Variants in LARP4B observed in about 807,000 individuals in gnomAD.
The protein encoded by LARP4B is la-related protein 4B.
Under a neutral mutation model 89.8 loss-of-function variants are expected in LARP4B, and 12 were observed. That is an observed-to-expected ratio of 0.13 (90% CI 0.09 to 0.22). The LOEUF is 0.22. Among genes scored for constraint, LARP4B ranks in the 10% least tolerant of loss-of-function variants. LARP4B has a pLI of 1.00. For missense variants in LARP4B, 757 were observed against 947.7 expected (o/e 0.80, Z 2.64); for synonymous variants, 367 against 363.3 (o/e 1.01, Z -0.12).
the LARP4B span, among the ~76,000 whole-genome samples, chr10:977,384 A>T: frequency 6.6e-6 from 1 of 151,990 alleles, no homozygotes; most frequent in Non-Finnish European, 1.5e-5. Context: ...GGCTGAAGAG[A>T]TCCTCCCAGC....
At chr10:858,287 C>A (rs967726741) in intron 5 of LARP4B, among the ~76,000 whole-genome samples, 1 of 152,066 alleles carries the variant, frequency 6.6e-6, no homozygotes, top group Non-Finnish European at 1.5e-5. Context: ...GTGCCACGAT[C>A]GTTCTATAGA....
At chr10:860,312 A>G (rs932698051) in intron 5 of LARP4B, among the ~76,000 whole-genome samples, 2 of 152,162 alleles carry the variant, frequency 1.3e-5, no homozygotes, top group Admixed American at 6.5e-5. Context: ...AGCTAAAATT[A>G]AAGACTGACC....
At chr10:893,004 G>A (rs552464381) in intron 1 of LARP4B, among the ~76,000 whole-genome samples, 28 of 149,970 alleles carry the variant, frequency 1.9e-4, no homozygotes, top group African/African-American at 6.4e-4. Flanking sequence ...TCTGCCTCCC[G>A]GGCTCAGGCA....
intron 3 of LARP4B, among the ~76,000 whole-genome samples, chr10:877,938 G>A: frequency 6.6e-6 from 1 of 152,232 alleles, no homozygotes. Context: ...TAAAGGGTCT[G>A]AGGCAAGCCA....
intron 3 of LARP4B, among the ~76,000 whole-genome samples, chr10:864,994 CAA>C (rs560026826): frequency 1.1e-3 from 172 of 152,236 alleles, no homozygotes; most frequent in African/African-American, 3.9e-3. Flanking sequence ...GTCACATAAA[CAA>C]AAGGTGTAGA....
At chr10:881,977 T>C (rs1310827667) in intron 3 of LARP4B, among the ~76,000 whole-genome samples, 1 of 152,210 alleles carries the variant, frequency 6.6e-6, no homozygotes, top group Non-Finnish European at 1.5e-5. Flanking sequence ...ACTAGCTGCT[T>C]GCCTACCAGA....
intron 11 of LARP4B, among the ~76,000 whole-genome samples, chr10:826,417 T>TCAC (rs1447460670): frequency 6.6e-6 from 1 of 152,194 alleles, no homozygotes; most frequent in East Asian, 1.9e-4. Flanking sequence ...ACAAGGTAAG[T>TCAC]ATGGCATGCA....
At chr10:833,249 T>TAAAA (rs56788542) in intron 8 of LARP4B, among the ~76,000 whole-genome samples, 1,792 of 51,934 alleles carry the variant, frequency 0.035, 116 homozygotes, top group South Asian at 0.043. Flanking sequence ...TGATGAGCTT[T>TAAAA]AAAAAAAAAA....
intron 1 of LARP4B, among the ~76,000 whole-genome samples, chr10:915,400 T>C (rs1208036299): frequency 6.6e-6 from 1 of 151,812 alleles, no homozygotes; most frequent in Non-Finnish European, 1.5e-5. Context: ...AACAAAAGAC[T>C]TTTGCTCACC....
intron 1 of LARP4B, among the ~76,000 whole-genome samples, chr10:926,827 A>T (rs997799491): frequency 6.6e-6 from 1 of 152,218 alleles, no homozygotes; most frequent in Admixed American, 6.5e-5. Context: ...ACTTGAGGTC[A>T]GAAGTTCAAG....
At chr10:950,279 A>G in the LARP4B span, among the ~76,000 whole-genome samples, 1 of 152,132 alleles carries the variant, frequency 6.6e-6, no homozygotes, top group African/African-American at 2.4e-5. Context: ...CCTTTTATAT[A>G]TTGTGATGCT....
In LARP4B at chr10:910,509, T is replaced by C. The variant is rs543086781; in HGVS notation, c.-40+20919A>G. On this transcript the variant is annotated intron_variant, in intron 1 of 17. Transcript: ENST00000316157. ...GTGTTTTGTGTGAGGTCTCCTGAAA[T>C]TGGAACTCCCATTCTTTGGCTGAAC... is the stretch of plus-strand genomic sequence containing the variant. 1.7e-4 allele frequency among the ~76,000 whole-genome samples: 26 copies of C among 152,346 alleles called. No individual in the cohort carries two copies. The South Asian group carries it at 4.3e-3, about 25-fold the overall frequency.
chr10:928,961 T>A (rs112385190), intron 1 of LARP4B, among the ~76,000 whole-genome samples: 30 of 152,348 alleles, frequency 2.0e-4, no homozygotes, highest in Middle Eastern at 3.4e-3. Context: ...AACTTGTGCT[T>A]ACTTATGGAA....
the LARP4B span, among the ~76,000 whole-genome samples, chr10:982,813 G>A: frequency 2.0e-5 from 3 of 152,218 alleles, no homozygotes; most frequent in African/African-American, 7.2e-5. Flanking sequence ...GAGCTATGAA[G>A]ATGATCAGCT....
chr10:909,657 A>C (rs1208480574), intron 1 of LARP4B, among the ~76,000 whole-genome samples: 2 of 150,712 alleles, frequency 1.3e-5, no homozygotes, highest in Non-Finnish European at 3.0e-5. Flanking sequence ...TGGTGGCAGG[A>C]GCCTGTAATC....
the LARP4B span, among the ~76,000 whole-genome samples, chr10:952,154 C>T: frequency 2.0e-5 from 3 of 151,612 alleles, no homozygotes; most frequent in Admixed American, 6.6e-5. Context: ...CTGGCTAACA[C>T]GGTGAAACCC....
chr10:914,809 C>CCCCACCG (rs1564444486), intron 1 of LARP4B, among the ~76,000 whole-genome samples: 2 of 150,314 alleles, frequency 1.3e-5, no homozygotes, highest in East Asian at 3.9e-4. Context: ...CCCCACCCGC[C>CCCCACCG]CCCACCGCCC....
intron 3 of LARP4B, among the ~76,000 whole-genome samples, chr10:868,193 C>T (rs1372255363): frequency 6.6e-6 from 1 of 151,832 alleles, no homozygotes; most frequent in Non-Finnish European, 1.5e-5. Context: ...GGGGGACTGG[C>T]CGGTGAGGTA....
At chr10:933,907 A>G (rs1554811268), upstream of LARP4B, among the ~76,000 whole-genome samples, 1 of 151,036 alleles carries the variant, frequency 6.6e-6, no homozygotes, top group Non-Finnish European at 1.5e-5. Flanking sequence ...ATCTCGGCTC[A>G]CTGCAACCTC....
Sources: gnomAD v4.1 joint callset for allele counts (sites outside exome capture counted in the v4.1 genomes callset) on GRCh38, gnomAD v4.1.1 for gene constraint, MANE v1.5 for transcripts, NCBI Gene and HGNC (gene_info 2026-07-23, HGNC 2026-07-21) for gene names.